The following HAPLN1 variants were observed in gnomAD, a reference collection of about 807,000 sequenced individuals.
The protein encoded by HAPLN1 is Cartilage link protein.
A neutral mutation model predicts 36.5 loss-of-function variants in HAPLN1; 13 were observed. The observed-to-expected ratio is 0.36, with a 90% CI of 0.23 to 0.57. HAPLN1 has a LOEUF of 0.57. Ranked by LOEUF, HAPLN1 falls within the 20% of genes least tolerant of loss-of-function variation. The pLI is 0.83. For missense variants in HAPLN1, 407 were observed against 439.7 expected, an observed-to-expected ratio of 0.93 and a Z score of 0.66; for synonymous variants, 202 against 169.8, an observed-to-expected ratio of 1.19 and a Z score of -1.48.
intron 3 of HAPLN1, among the ~76,000 whole-genome samples, chr5:83,649,577 T>C (rs1749994134): frequency 6.6e-6 from 1 of 152,042 alleles, no homozygotes; most frequent in African/African-American, 2.4e-5. Context: ...GCCTCCAGAG[T>C]AGCTGGGATT....
At chr5:83,687,902 G>C (rs1377388956) in intron 1 of HAPLN1, among the ~76,000 whole-genome samples, 2 of 152,174 alleles carry the variant, frequency 1.3e-5, no homozygotes, top group African/African-American at 4.8e-5. Flanking sequence ...TCAAAAGGCT[G>C]TTTTGACTCT....
Position 83,641,254 on chromosome 5 carries a change from A to G in HAPLN1, c.*242T>C, listed in dbSNP as rs79311981. ...TTTGTTGGGATGATACAGCTTAAACAGTTTGGCTCTAAGTCTCCTTACATA... is the reference window on the plus strand; with the variant it reads ...TTTGTTGGGATGATACAGCTTAAACGGTTTGGCTCTAAGTCTCCTTACATA... On this transcript the variant is annotated 3_prime_UTR_variant, in exon 5 of 5. Transcript: ENST00000274341. 100 of 212,144 alleles carry G rather than the reference A, an allele frequency of 4.7e-4. No homozygotes were observed. The East Asian group carries it at 1.0e-2, about 21-fold the overall frequency. 13.1% of individuals were successfully genotyped at this position (212,144 alleles called of 1,614,324 possible).
chr5:83,645,475 CTTTTT>C, intron 3 of HAPLN1, among the ~76,000 whole-genome samples: 2 of 74,370 alleles, frequency 2.7e-5, no homozygotes, highest in South Asian at 5.2e-4. Flanking sequence ...CTTTTTCTTT[CTTTTT>C]TTTTTTTTTT....
At chr5:83,678,223 G>GTC (rs1445444292) in intron 1 of HAPLN1, among the ~76,000 whole-genome samples, 1 of 141,642 alleles carries the variant, frequency 7.1e-6, no homozygotes, top group Non-Finnish European at 1.5e-5. Flanking sequence ...TAGTTTGGGT[G>GTC]TGTGTGTGTG....
intron 1 of HAPLN1, among the ~76,000 whole-genome samples, chr5:83,718,445 C>CA (rs1258827132): frequency 6.6e-6 from 1 of 152,166 alleles, no homozygotes; most frequent in Non-Finnish European, 1.5e-5. Context: ...CAGACCCTCC[C>CA]ATTCAGTGTA....
chr5:83,651,734 G>A (rs373172682), intron 3 of HAPLN1, among the ~76,000 whole-genome samples: 15 of 152,162 alleles, frequency 9.9e-5, no homozygotes, highest in African/African-American at 3.6e-4. Flanking sequence ...GAAAAATAAG[G>A]TGTCCTGTGA....
chr5:83,643,824 G>C (rs1004479240), intron 4 of HAPLN1, among the ~76,000 whole-genome samples: 2 of 152,170 alleles, frequency 1.3e-5, no homozygotes, highest in Non-Finnish European at 2.9e-5. Flanking sequence ...AGGGCTGAGA[G>C]GTGTATGAAT....
intron 1 of HAPLN1, among the ~76,000 whole-genome samples, chr5:83,686,561 G>A (rs1751132030): frequency 1.3e-5 from 2 of 152,160 alleles, no homozygotes; most frequent in Admixed American, 6.5e-5. Flanking sequence ...CAGATAGTAT[G>A]TTTTAGTGAT....
At chr5:83,656,327 C>CAAAA (rs35902132) in intron 2 of HAPLN1, among the ~76,000 whole-genome samples, 116 of 59,708 alleles carry the variant, frequency 1.9e-3, no homozygotes, top group South Asian at 3.6e-3. Context: ...GACTACGTCT[C>CAAAA]AAAAAAAAAA....
Position 83,640,824 on chromosome 5 carries a change from G to A in HAPLN1, c.*672C>T, listed in dbSNP as rs1266633962. On this transcript the variant is annotated 3_prime_UTR_variant, in exon 5 of 5. Coordinates refer to ENST00000274341, the MANE Select transcript of HAPLN1 (RefSeq NM_001884.4). ...CTTTTTCATTGGTTAAATATTATCT[G>A]CTTATTTATGTGTCATGCTTCATAT... 1 of 151,578 alleles carries A rather than the reference G, an allele frequency of 6.6e-6. No homozygotes were observed. Among genetic ancestry groups the A allele is most frequent in the East Asian group, 1.9e-4 (1 of 5,186 alleles). The allele number at this position is 151,578 out of a possible 1,614,324, so 9.4% of individuals were successfully genotyped here.
chr5:83,699,234 AAGG>A (rs1297671525), intron 1 of HAPLN1, among the ~76,000 whole-genome samples: 1 of 152,236 alleles, frequency 6.6e-6, no homozygotes, highest in Non-Finnish European at 1.5e-5. Context: ...ACAACTATTG[AAGG>A]AGATTATTTT....
chr5:83,653,941 G>A (rs1410997512), intron 2 of HAPLN1, among the ~76,000 whole-genome samples: 2 of 152,224 alleles, frequency 1.3e-5, no homozygotes, highest in Non-Finnish European at 2.9e-5. Context: ...TCTATACACA[G>A]CTTTTAATAG....
At chr5:83,714,111 T>C (rs1335285140) in intron 1 of HAPLN1, among the ~76,000 whole-genome samples, 1 of 152,122 alleles carries the variant, frequency 6.6e-6, no homozygotes, top group Non-Finnish European at 1.5e-5. Flanking sequence ...AGCCCCATGT[T>C]CTGCACTGTG....
At chr5:83,677,371 C>T (rs1750884340) in intron 1 of HAPLN1, among the ~76,000 whole-genome samples, 1 of 152,144 alleles carries the variant, frequency 6.6e-6, no homozygotes, top group Non-Finnish European at 1.5e-5. Context: ...GCTGTCGGCT[C>T]TCTCTTAGCC....
intron 2 of HAPLN1, among the ~76,000 whole-genome samples, chr5:83,664,368 C>CT (rs1750497589): frequency 6.6e-6 from 1 of 152,000 alleles, no homozygotes; most frequent in Non-Finnish European, 1.5e-5. Flanking sequence ...CTCTCACAAC[C>CT]TTTTTTTCCC....
chr5:83,661,909 T>C (rs1580131525), intron 2 of HAPLN1, among the ~76,000 whole-genome samples: 1 of 152,216 alleles, frequency 6.6e-6, no homozygotes. Flanking sequence ...TGTGTGTTCA[T>C]GTATGGGTTT....
At chr5:83,677,467 T>G (rs1750885845) in intron 1 of HAPLN1, among the ~76,000 whole-genome samples, 1 of 152,210 alleles carries the variant, frequency 6.6e-6, no homozygotes, top group Non-Finnish European at 1.5e-5. Context: ...AGCTACCAAG[T>G]CAGCTAAAAA....
chr5:83,673,432 T>C lies in HAPLN1; in HGVS notation c.92A>G (p.His31Arg). The change falls in exon 2 of 5, where the codon CAC becomes CGC. Residue 31 changes from histidine to arginine, a missense_variant. Transcript: ENST00000274341. Reference sequence around the variant, plus strand: ...AAGCTGTGTTTCCTTACCTTGGATGTGAATAGCTCTGTCATGATCCAGAGT... The same window carrying C: ...AAGCTGTGTTTCCTTACCTTGGATGCGAATAGCTCTGTCATGATCCAGAGT... The part of the protein sequence containing the change: ...NYTLDHDRAI[H>R]IQAENGPHLL... The C allele has an allele frequency of 6.3e-7, 1 of 1,590,982 alleles. No individual in the cohort carries two copies. Among genetic ancestry groups the C allele is most frequent in the East Asian group, 2.3e-5 (1 of 43,702 alleles).
intron 1 of HAPLN1, among the ~76,000 whole-genome samples, chr5:83,716,900 C>T (rs970014912): frequency 2.0e-5 from 3 of 152,008 alleles, no homozygotes; most frequent in Non-Finnish European, 2.9e-5. Context: ...GGCATGGTGA[C>T]ACATGCTTGT....
Sources: gnomAD v4.1 joint callset for allele counts (sites outside exome capture counted in the v4.1 genomes callset) on GRCh38, gnomAD v4.1.1 for gene constraint, MANE v1.5 for transcripts, NCBI Gene and HGNC (gene_info 2026-07-23, HGNC 2026-07-21) for gene names.